Variants in ADAM18 observed in about 807,000 individuals in gnomAD.
The protein encoded by ADAM18 is disintegrin and metalloproteinase domain-containing protein 18.
In ADAM18, 117 loss-of-function variants were observed where a neutral mutation model predicts 94.4. The observed-to-expected ratio is 1.24, with a 90% CI of 1.07 to 1.45. The LOEUF (loss-of-function observed/expected upper bound fraction) is 1.45, where lower values mean the gene tolerates loss of function less well. ADAM18 is among the 40% of genes most tolerant of loss of function. ADAM18 has a pLI of 0.00. For missense variants in ADAM18, 936 were observed against 880.0 expected, an observed-to-expected ratio of 1.06 and a Z score of -0.81; for synonymous variants, 327 against 291.6, an observed-to-expected ratio of 1.12 and a Z score of -1.24.
At chr8:39,711,152 A>C (rs932402920) in intron 18 of ADAM18, among the ~76,000 whole-genome samples, 1 of 152,196 alleles carries the variant, frequency 6.6e-6, no homozygotes, top group Non-Finnish European at 1.5e-5. Flanking sequence ...CTGAACAAAA[A>C]CTCTGGGAGT....
intron 2 of ADAM18, among the ~76,000 whole-genome samples, chr8:39,595,337 C>A (rs543637883): frequency 6.6e-6 from 1 of 152,048 alleles, no homozygotes; most frequent in African/African-American, 2.4e-5. Flanking sequence ...GGAGGGACTG[C>A]AATCTCAGCT....
chr8:39,644,519 C>G (rs1467607518), intron 10 of ADAM18, among the ~76,000 whole-genome samples: 1 of 152,112 alleles, frequency 6.6e-6, no homozygotes, highest in Non-Finnish European at 1.5e-5. Flanking sequence ...AGTTCCTGGC[C>G]TCAAGCAGTC....
chr8:39,729,757 T>TA, intron 19 of ADAM18, 141 bp from the exon 20 acceptor site: 1 of 646,302 alleles, frequency 1.5e-6, no homozygotes, highest in Non-Finnish European at 2.6e-6. Context: ...ATAATATAGA[T>TA]AACCAAACTT....
chr8:39,655,698 T>C (rs758051519), intron 12 of ADAM18, among the ~76,000 whole-genome samples: 5 of 152,066 alleles, frequency 3.3e-5, no homozygotes, highest in Non-Finnish European at 7.4e-5. Context: ...GAAATTTAGA[T>C]TTCATTATTT....
chr8:39,615,701 G>A (rs889216246), intron 6 of ADAM18, among the ~76,000 whole-genome samples: 7 of 152,042 alleles, frequency 4.6e-5, no homozygotes, highest in African/African-American at 1.7e-4. Flanking sequence ...AGTACTAGAA[G>A]ACCTCACCAG....
rs186166482 is a variant in ADAM18 at position 39,727,649 on chromosome 8, C to A, written c.2178-2249C>A. Among the ~76,000 whole-genome samples, 119 of 152,274 alleles carry A rather than the reference C, an allele frequency of 7.8e-4. 1 individual carries two copies. The Middle Eastern group carries it at 0.02, about 26-fold the overall frequency. On this transcript the variant is annotated intron_variant, in intron 19 of 19. Transcript: ENST00000265707. Reference sequence around the variant, plus strand: ...TCCTCATTTCCTTCTGAGACCTTGGCAGCCTGGACTTAACTATCCATATCA... The same window carrying A: ...TCCTCATTTCCTTCTGAGACCTTGGAAGCCTGGACTTAACTATCCATATCA...
chr8:39,701,059 A>G (rs1423443138), intron 17 of ADAM18, among the ~76,000 whole-genome samples: 1 of 128,820 alleles, frequency 7.8e-6, no homozygotes, highest in Non-Finnish European at 1.6e-5. Context: ...CGGAGCTTGC[A>G]GTGAGCCGAG....
Position 39,709,524 on chromosome 8 carries a change from G to A in ADAM18, c.2017+2620G>A, listed in dbSNP as rs142077593. ...TCAGCTTGAGGTTCAGCCTTAGTTG[G>A]GGACCTGCCTTTTTCTGCCTAAAAT... On this transcript the variant is annotated intron_variant, in intron 18 of 19. Transcript: ENST00000265707. Among the ~76,000 whole-genome samples the A allele has an allele frequency of 2.8e-3, 422 of 152,228 alleles. 7 individuals carry two copies. In the East Asian group the frequency reaches 0.037, roughly 13 times the overall value.
intron 17 of ADAM18, among the ~76,000 whole-genome samples, chr8:39,705,144 G>T (rs1371273228): frequency 6.6e-6 from 1 of 152,082 alleles, no homozygotes; most frequent in East Asian, 1.9e-4. Context: ...GGAAGAGTCT[G>T]ATGCTATATT....
chr8:39,621,063 T>G (rs377629534), intron 6 of ADAM18, among the ~76,000 whole-genome samples: 2 of 151,856 alleles, frequency 1.3e-5, no homozygotes, highest in South Asian at 2.1e-4. Context: ...CTAGACTATA[T>G]AAATAACTCA....
At chr8:39,616,462 T>C (rs1759913205) in intron 6 of ADAM18, among the ~76,000 whole-genome samples, 1 of 152,142 alleles carries the variant, frequency 6.6e-6, no homozygotes, top group South Asian at 2.1e-4. Flanking sequence ...AATTTACAGA[T>C]TCAATGCTAT....
chr8:39,669,076 T>C (rs1821076700), intron 14 of ADAM18, among the ~76,000 whole-genome samples: 1 of 152,070 alleles, frequency 6.6e-6, no homozygotes, highest in Non-Finnish European at 1.5e-5. Flanking sequence ...TTTTGTTTTT[T>C]TAATACTTAT....
chr8:39,661,954 T>A (rs891307474), intron 12 of ADAM18, among the ~76,000 whole-genome samples: 1 of 149,942 alleles, frequency 6.7e-6, no homozygotes, highest in African/African-American at 2.4e-5. Flanking sequence ...TATATATATA[T>A]AAAGGCAACC....
At chr8:39,725,460 G>C (rs1822876644) in intron 19 of ADAM18, among the ~76,000 whole-genome samples, 1 of 152,032 alleles carries the variant, frequency 6.6e-6, no homozygotes. Context: ...TTGCATAACT[G>C]AATCTTTGTA....
At chr8:39,676,382 A>G (rs1821301984) in intron 14 of ADAM18, among the ~76,000 whole-genome samples, 1 of 152,156 alleles carries the variant, frequency 6.6e-6, no homozygotes, top group Non-Finnish European at 1.5e-5. Context: ...CCAGGCTGCC[A>G]CCTTGCAGAT....
At chr8:39,621,844 A>G (rs942541040) in intron 6 of ADAM18, among the ~76,000 whole-genome samples, 1 of 152,184 alleles carries the variant, frequency 6.6e-6, no homozygotes, top group African/African-American at 2.4e-5. Flanking sequence ...CAAACACTGA[A>G]TGTTCTTTTA....
chr8:39,663,747 C>G (rs758065947), intron 12 of ADAM18, 48 bp from the exon 13 acceptor site: 3 of 1,253,066 alleles, frequency 2.4e-6, no homozygotes, highest in Admixed American at 1.8e-5. Flanking sequence ...GAAACAAGAG[C>G]TTTTAAGTGG....
intron 7 of ADAM18, among the ~76,000 whole-genome samples, chr8:39,637,017 TTTTATATATATATATATATA>T (rs1425952799): frequency 4.7e-5 from 4 of 84,780 alleles, no homozygotes; most frequent in South Asian, 3.3e-4. Context: ...CATGTGTGTA[TTTTATATATATATATATATA>T]TATATATATA....
At chr8:39,715,851 T>G (rs1395678548) in intron 18 of ADAM18, among the ~76,000 whole-genome samples, 1 of 151,976 alleles carries the variant, frequency 6.6e-6, no homozygotes, top group African/African-American at 2.4e-5. Context: ...CACCGGTGAA[T>G]ATAACCAAAC....
Sources: allele counts gnomAD v4.1 joint callset (sites outside exome capture counted in the v4.1 genomes callset), GRCh38; gene constraint gnomAD v4.1.1; transcripts MANE v1.5; gene names NCBI Gene and HGNC (gene_info 2026-07-23, HGNC 2026-07-21).